TMEM163: variants seen among roughly 807,000 people sequenced by gnomAD.
The protein encoded by TMEM163 is transmembrane protein 163.
In TMEM163, 17 loss-of-function variants were observed where a neutral mutation model predicts 29.3. That is an observed-to-expected ratio of 0.58 (90% confidence interval 0.40 to 0.87). The LOEUF (loss-of-function observed/expected upper bound fraction) is 0.87. Ranked by LOEUF, TMEM163 falls within the 40% of genes least tolerant of loss-of-function variation. The probability of loss-of-function intolerance (pLI) is 0.00; values close to 1 mark genes in which losing one functional copy is unlikely to be tolerated. For synonymous variants in TMEM163, 157 were observed against 160.6 expected, an observed-to-expected ratio of 0.98 and a Z score of 0.17; for missense variants, 303 against 381.5, an observed-to-expected ratio of 0.79 and a Z score of 1.71.
At chr2:134,678,685 C>G (rs1011041466) in intron 2 of TMEM163, among the ~76,000 whole-genome samples, 3 of 152,176 alleles carry the variant, frequency 2.0e-5, no homozygotes, top group African/African-American at 7.2e-5. Flanking sequence ...TCCCATTCCC[C>G]AGGTCGACTG....
chr2:134,607,106 G>A (rs1682393407), intron 2 of TMEM163, among the ~76,000 whole-genome samples: 1 of 134,764 alleles, frequency 7.4e-6, no homozygotes, highest in Non-Finnish European at 1.6e-5. Context: ...TGGTGAAAAG[G>A]ACAGACCCCG....
chr2:134,641,624 A>G (rs1683221600), intron 2 of TMEM163, among the ~76,000 whole-genome samples: 1 of 152,216 alleles, frequency 6.6e-6, no homozygotes, highest in African/African-American at 2.4e-5. Flanking sequence ...AAGCACAATA[A>G]TTAAATTAAA....
chr2:134,537,455 T>C (rs1680564775), intron 4 of TMEM163, among the ~76,000 whole-genome samples: 1 of 152,128 alleles, frequency 6.6e-6, no homozygotes, highest in African/African-American at 2.4e-5. Flanking sequence ...TCTCTCCCTC[T>C]TCTCATCATG....
chr2:134,606,041 G>A (rs936721226), intron 2 of TMEM163, among the ~76,000 whole-genome samples: 6 of 152,264 alleles, frequency 3.9e-5, no homozygotes, highest in African/African-American at 1.4e-4. Context: ...GGGGGCAGTG[G>A]CAGGTTGTTT....
intron 2 of TMEM163, among the ~76,000 whole-genome samples, chr2:134,575,282 C>T (rs1681527450): frequency 6.6e-6 from 1 of 152,084 alleles, no homozygotes; most frequent in South Asian, 2.1e-4. Flanking sequence ...CTGATTAAGC[C>T]ATTCTGGAAG....
Position 134,458,053 on chromosome 2 carries a change from G to A in TMEM163, c.788C>T (p.Thr263Ile). The change falls in exon 7 of 8, where the codon ACC (threonine) becomes ATC (isoleucine). Residue 263 changes from threonine (T) to isoleucine (I), a missense_variant. Thr to Ile is a moderately conservative substitution (Grantham distance 89). Transcript: ENST00000281924. ...CTACTTGACCCCATAGGCAAATATG[G>A]TGAGGCCGATCAGAACGCCTATGCT... ...DGSIGVLIGL[T>I]IFAYGVKLLI... is the part of the protein sequence containing the mutation. 1 of 1,614,196 alleles carries A rather than the reference G, an allele frequency of 6.2e-7. No homozygotes were observed. Among genetic ancestry groups the A allele is most frequent in the Non-Finnish European group, 8.5e-7 (1 of 1,180,040 alleles).
At chr2:134,652,407 C>A (rs1683501345) in intron 2 of TMEM163, among the ~76,000 whole-genome samples, 1 of 72,390 alleles carries the variant, frequency 1.4e-5, no homozygotes, top group East Asian at 2.7e-4. Flanking sequence ...TATCCTGAGA[C>A]TTTGCTGAAG....
At chr2:134,512,245 G>C (rs1679964239) in intron 4 of TMEM163, among the ~76,000 whole-genome samples, 1 of 152,160 alleles carries the variant, frequency 6.6e-6, no homozygotes, top group African/African-American at 2.4e-5. Context: ...ATCACCTGAG[G>C]TCAGGAGGTC....
chr2:134,461,634 C>T (rs1178054598), intron 6 of TMEM163, among the ~76,000 whole-genome samples: 1 of 152,242 alleles, frequency 6.6e-6, no homozygotes, highest in Non-Finnish European at 1.5e-5. Context: ...ATTCACTGCA[C>T]CGCACAGGGT....
chr2:134,510,100 C>T lies in TMEM163; in HGVS notation c.459-7103G>A, dbSNP rs575176247. ...CTCCCTCAAGATGGCAGGTGCATCA[C>T]CCATGGTACACATAACGGATCTTAG... On this transcript the variant is annotated intron_variant, in intron 4 of 7. Coordinates refer to ENST00000281924, the MANE Select transcript of TMEM163 (RefSeq NM_030923.5). 2.8e-4 allele frequency among the ~76,000 whole-genome samples: 43 copies of T among 152,210 alleles called. No homozygotes were observed. The South Asian group carries it at 8.1e-3, about 29-fold the overall frequency.
chr2:134,586,412 G>A (rs959131592), intron 2 of TMEM163, among the ~76,000 whole-genome samples: 16 of 152,160 alleles, frequency 1.1e-4, no homozygotes, highest in African/African-American at 3.6e-4. Context: ...GGCATTCCTT[G>A]GCTTCTGCTG....
intron 2 of TMEM163, among the ~76,000 whole-genome samples, chr2:134,668,815 T>C (rs1017164239): frequency 1.3e-5 from 2 of 151,872 alleles, no homozygotes; most frequent in African/African-American, 4.8e-5. Flanking sequence ...AGCATACATG[T>C]ATATATATAT....
chr2:134,523,486 A>G (rs1680230029), intron 4 of TMEM163, among the ~76,000 whole-genome samples: 1 of 152,210 alleles, frequency 6.6e-6, no homozygotes, highest in Admixed American at 6.5e-5. Context: ...TTAAAAAGCT[A>G]TTACTGATGT....
At chr2:134,492,075 T>C (rs370529871) in intron 5 of TMEM163, among the ~76,000 whole-genome samples, 14 of 152,370 alleles carry the variant, frequency 9.2e-5, no homozygotes, top group East Asian at 5.8e-4. Flanking sequence ...AGGCTCCTCT[T>C]GCTATCTGCC....
intron 2 of TMEM163, among the ~76,000 whole-genome samples, chr2:134,694,751 A>G (rs1346878073): frequency 6.6e-6 from 1 of 152,258 alleles, no homozygotes; most frequent in Non-Finnish European, 1.5e-5. Flanking sequence ...TACACACATT[A>G]TTCTTTAAAA....
In TMEM163 at chr2:134,526,808, G is replaced by A. The variant is rs1056724016; in HGVS notation, c.458+23762C>T. Among the ~76,000 whole-genome samples the A allele has an allele frequency of 8.5e-5, 13 of 152,168 alleles. 1 individual carries two copies. The highest frequency in any genetic ancestry group is 3.1e-4 in the African/African-American group (13 of 41,418). ...TTCCATGTCTGCTTTTGCCCTAACT[G>A]GGCCATTATATTTTAAGAAGAACAT... On this transcript the variant is annotated intron_variant, in intron 4 of 7. Transcript: ENST00000281924.
At chr2:134,701,035 G>A (rs916361357) in intron 2 of TMEM163, among the ~76,000 whole-genome samples, 1 of 151,612 alleles carries the variant, frequency 6.6e-6, no homozygotes, top group Non-Finnish European at 1.5e-5. Context: ...AGATGCATGG[G>A]GCATAGAGAC....
chr2:134,466,068 A>C, intron 6 of TMEM163, 46 bp downstream of exon 6: 1 of 1,410,336 alleles, frequency 7.1e-7, no homozygotes, highest in Non-Finnish European at 9.9e-7. Flanking sequence ...ATCTTCCTCC[A>C]CTGTGAGCCC....
chr2:134,656,800 T>C (rs1683631123), intron 2 of TMEM163, among the ~76,000 whole-genome samples: 1 of 152,230 alleles, frequency 6.6e-6, no homozygotes, highest in Admixed American at 6.5e-5. Flanking sequence ...GTTTTTATCA[T>C]GAAGGGATGT....
Sources: allele counts gnomAD v4.1 joint callset (sites outside exome capture counted in the v4.1 genomes callset), GRCh38; gene constraint gnomAD v4.1.1; transcripts MANE v1.5; gene names NCBI Gene and HGNC (gene_info 2026-07-23, HGNC 2026-07-21).